Variants in KMT2C observed in about 807,000 individuals in gnomAD.
KMT2C encodes lysine methyltransferase 2C, also known as histone-lysine N-methyltransferase 2C.
Under a neutral mutation model 507.9 loss-of-function variants are expected in KMT2C, and 88 were observed. The ratio of observed to expected loss-of-function variants is 0.17; its 90% CI spans 0.15 to 0.21. The LOEUF is 0.21. KMT2C is among the 10% of genes least tolerant of loss of function. The pLI is 1.00. For missense variants in KMT2C, 4,954 were observed against 5,957.8 expected (o/e 0.83, Z 5.55); for synonymous variants, 2,049 against 2,080.8 (o/e 0.98, Z 0.42).
In KMT2C at chr7:152,421,523, A is replaced by G. The variant is rs925959479; in HGVS notation, c.161+14103T>C. ...CATCAACAGCGGACTGGATAAAGAA[A>G]ACATGGTACATATACGAGACAGAAT... On this transcript the variant is annotated intron_variant, in intron 1 of 58. Coordinates refer to ENST00000262189, the MANE Select transcript of KMT2C (RefSeq NM_170606.3). Among the ~76,000 whole-genome samples, 10 of 152,252 alleles carry G rather than the reference A, an allele frequency of 6.6e-5. No homozygotes were observed. In the East Asian group the frequency reaches 1.7e-3, roughly 26 times the overall value.
chr7:152,175,504 T>C (rs1489428029), intron 38 of KMT2C, among the ~76,000 whole-genome samples: 1 of 151,458 alleles, frequency 6.6e-6, no homozygotes, highest in Non-Finnish European at 1.5e-5. Context: ...TGTGTGATGT[T>C]CCCCTCCCTG....
chr7:152,396,992 C>T (rs530033425), intron 1 of KMT2C, among the ~76,000 whole-genome samples: 14 of 152,318 alleles, frequency 9.2e-5, no homozygotes, highest in African/African-American at 3.4e-4. Flanking sequence ...AAATGACCAT[C>T]AGTAGGGGAA....
intron 3 of KMT2C, among the ~76,000 whole-genome samples, chr7:152,318,866 A>G (rs1042005166): frequency 1.3e-5 from 2 of 152,202 alleles, no homozygotes; most frequent in Non-Finnish European, 2.9e-5. Flanking sequence ...GATGAATAGT[A>G]TAATAGATAT....
intron 1 of KMT2C, chr7:152,366,905 G>A (rs978204004): frequency 9.4e-6 from 4 of 427,536 alleles, no homozygotes; most frequent in Non-Finnish European, 1.7e-5. Context: ...GCGAGCTGGC[G>A]CTGCGAGCCA....
chr7:152,163,238 A>G lies in KMT2C; in HGVS notation c.10339T>C (p.Ser3447Pro), dbSNP rs1414949334. Residue 3447 changes from serine to proline, a missense_variant, in exon 43 of 59, where the codon TCT becomes CCT. Physicochemically the swap from Ser to Pro is moderately conservative, Grantham distance 74 (BLOSUM62 -1). Coordinates refer to ENST00000262189, the MANE Select transcript of KMT2C (RefSeq NM_170606.3). Reference protein sequence around the residue: ...VGSEISSSRTSVSQIPFYSSD... With the variant: ...VGSEISSSRTPVSQIPFYSSD... ...CTGTAGAAGGGAATCTGGGACACAG[A>G]TGTCCTACTACTACTTATCTCAGAG... is the stretch of plus-strand genomic sequence containing the variant. 2 of 1,614,182 alleles carry G rather than the reference A, an allele frequency of 1.2e-6. No homozygotes were observed. Among genetic ancestry groups the G allele is most frequent in the South Asian group, 1.1e-5 (1 of 91,086 alleles).
At chr7:152,165,261 GCTTAT>G (rs1346472568) in intron 42 of KMT2C, among the ~76,000 whole-genome samples, 1 of 152,090 alleles carries the variant, frequency 6.6e-6, no homozygotes, top group Non-Finnish European at 1.5e-5. Context: ...ACCATCAACT[GCTTAT>G]CTTAATATGA....
chr7:152,355,931 T>C (rs1434268654), intron 2 of KMT2C, among the ~76,000 whole-genome samples: 1 of 152,074 alleles, frequency 6.6e-6, no homozygotes, highest in African/African-American at 2.4e-5. Flanking sequence ...AGCACCCCCC[T>C]TATGCTAATG....
chr7:152,366,508 G>A (rs62495473), intron 1 of KMT2C, among the ~76,000 whole-genome samples: 14 of 152,124 alleles, frequency 9.2e-5, no homozygotes, highest in Non-Finnish European at 1.6e-4. Context: ...AAAAAAAATA[G>A]TGGATGATTC....
intron 39 of KMT2C, among the ~76,000 whole-genome samples, chr7:152,173,392 C>T (rs540938948): frequency 3.3e-5 from 5 of 152,248 alleles, no homozygotes; most frequent in South Asian, 2.1e-4. Context: ...TCATTCATGA[C>T]GCTTGCTAAA....
intron 1 of KMT2C, among the ~76,000 whole-genome samples, chr7:152,363,887 A>C (rs941482932): frequency 1.3e-5 from 2 of 152,244 alleles, no homozygotes; most frequent in Non-Finnish European, 2.9e-5. Flanking sequence ...CAATTACAGA[A>C]GAACAATTCC....
chr7:152,262,414 G>A (rs1409510405), intron 9 of KMT2C, among the ~76,000 whole-genome samples: 1 of 152,150 alleles, frequency 6.6e-6, no homozygotes, highest in Non-Finnish European at 1.5e-5. Context: ...TGGATTCCAA[G>A]GGCTATCTCC....
chr7:152,412,287 G>A (rs1031298662), intron 1 of KMT2C, among the ~76,000 whole-genome samples: 1 of 152,234 alleles, frequency 6.6e-6, no homozygotes, highest in African/African-American at 2.4e-5. Flanking sequence ...TGTAATCCCA[G>A]CTACTCAGGA....
intron 6 of KMT2C, among the ~76,000 whole-genome samples, chr7:152,281,942 G>A (rs531655484): frequency 1.6e-4 from 24 of 152,100 alleles, no homozygotes; most frequent in African/African-American, 5.5e-4. Flanking sequence ...ATCGACTATG[G>A]AAATGTACTA....
intron 23 of KMT2C, among the ~76,000 whole-genome samples, chr7:152,212,747 C>T (rs1342863732): frequency 6.6e-6 from 1 of 152,084 alleles, no homozygotes; most frequent in Non-Finnish European, 1.5e-5. Context: ...ACAAAAGAAA[C>T]TAAAGACACA....
At chr7:152,147,972 C>T in intron 52 of KMT2C, 61 bp downstream of exon 52, 2 of 1,465,250 alleles carry the variant, frequency 1.4e-6, no homozygotes, top group South Asian at 3.0e-5. Flanking sequence ...TGACAAAATA[C>T]ATTCATTAGC....
chr7:152,360,873 A>G (rs2097191506), intron 1 of KMT2C, among the ~76,000 whole-genome samples: 1 of 152,040 alleles, frequency 6.6e-6, no homozygotes. Context: ...AATTGAAGTA[A>G]TCAAAGCCTA....
At chr7:152,290,086 G>GT (rs1307367213) in intron 6 of KMT2C, among the ~76,000 whole-genome samples, 4 of 150,580 alleles carry the variant, frequency 2.7e-5, no homozygotes, top group Middle Eastern at 3.4e-3. Context: ...AAAAACAACC[G>GT]TATCAATAGT....
At chr7:152,277,892 G>C (rs1225442470) in intron 6 of KMT2C, among the ~76,000 whole-genome samples, 1 of 152,110 alleles carries the variant, frequency 6.6e-6, no homozygotes, top group African/African-American at 2.4e-5. Flanking sequence ...TCTAGTAAAA[G>C]ATAGCAACTT....
intron 4 of KMT2C, among the ~76,000 whole-genome samples, chr7:152,312,591 C>T (rs570555388): frequency 1.1e-3 from 163 of 152,056 alleles, no homozygotes; most frequent in African/African-American, 3.7e-3. Context: ...AAAGCAAAAG[C>T]AAAATAGCTA....
Sources: allele counts gnomAD v4.1 joint callset (sites outside exome capture counted in the v4.1 genomes callset), GRCh38; gene constraint gnomAD v4.1.1; transcripts MANE v1.5; gene names NCBI Gene and HGNC (gene_info 2026-07-23, HGNC 2026-07-21).